MYOM1: variants seen among roughly 807,000 people sequenced by gnomAD.
MYOM1 encodes the protein myomesin-1.
Under a neutral mutation model 205.3 loss-of-function variants are expected in MYOM1, and 164 were observed. The observed-to-expected ratio is 0.80, with a 90% confidence interval of 0.70 to 0.91. The LOEUF is 0.91. Ranked by LOEUF, MYOM1 falls within the 40% of genes least tolerant of loss-of-function variation. MYOM1 has a pLI of 0.00. For synonymous variants in MYOM1, 772 were observed against 789.4 expected (o/e 0.98, Z 0.37); for missense variants, 2,011 against 2,127.3 (o/e 0.95, Z 1.08).
At chr18:3,207,889 G>A (rs931530934) in intron 2 of MYOM1, among the ~76,000 whole-genome samples, 1 of 152,176 alleles carries the variant, frequency 6.6e-6, no homozygotes, top group Admixed American at 6.5e-5. Flanking sequence ...TATATCTGGT[G>A]CCATCTCAAC....
Position 3,129,336 on chromosome 18 carries a change from C to T in MYOM1, c.2690G>A (p.Ser897Asn), listed in dbSNP as rs191333766. Residue 897 changes from serine (S) to asparagine (N), a missense_variant, in exon 18 of 38, where the codon AGT becomes AAT. Coordinates refer to ENST00000356443, the MANE Select transcript of MYOM1 (RefSeq NM_003803.4). ...TTCCTGAACTGTTTCACTTACTTTA[C>T]TCACTTCTGTTTGGCCCAGGTTTTG... is the stretch of plus-strand genomic sequence containing the variant. Reference protein sequence around the residue: ...SSQNLGQTEVSKVSETVQEEL... With the variant: ...SSQNLGQTEVNKVSETVQEEL... 35 of 1,613,964 alleles carry T rather than the reference C, an allele frequency of 2.2e-5. No homozygotes were observed. In the Admixed American group the frequency reaches 2.7e-4, roughly 12 times the overall value.
chr18:3,085,448 T>C (rs1177525757), intron 30 of MYOM1, among the ~76,000 whole-genome samples: 1 of 151,944 alleles, frequency 6.6e-6, no homozygotes, highest in African/African-American at 2.4e-5. Flanking sequence ...ATTTACAGAA[T>C]TGCCATCAAA....
At position 3,156,681 on chromosome 18, in the gene MYOM1, C is replaced by T. The variant is rs561635512; in HGVS notation, c.1502-1593G>A. 6.7e-4 allele frequency among the ~76,000 whole-genome samples: 102 copies of T among 151,716 alleles called. No homozygotes were observed. The South Asian group carries it at 0.02, about 29-fold the overall frequency. On this transcript the variant is annotated intron_variant, in intron 10 of 37. Transcript: ENST00000356443. Reference sequence around the variant, plus strand: ...AGGGCAGAGGTGGGATCTCAGCTCACTGCAAGCTCCACCTCCCGGGTTCAC... The same window carrying T: ...AGGGCAGAGGTGGGATCTCAGCTCATTGCAAGCTCCACCTCCCGGGTTCAC...
chr18:3,232,331 G>GA, the MYOM1 span, among the ~76,000 whole-genome samples: 49 of 143,754 alleles, frequency 3.4e-4, no homozygotes, highest in African/African-American at 2.8e-4. Context: ...CTCCATCATG[G>GA]AAAAAAAAAA....
intron 1 of MYOM1, among the ~76,000 whole-genome samples, chr18:3,216,467 C>T (rs868590989): frequency 6.6e-6 from 1 of 152,206 alleles, no homozygotes; most frequent in South Asian, 2.1e-4. Context: ...CAATTTTCAA[C>T]AGCCTCAGCA....
At chr18:3,122,862 A>G (rs1019001374) in intron 19 of MYOM1, among the ~76,000 whole-genome samples, 2 of 152,246 alleles carry the variant, frequency 1.3e-5, no homozygotes, top group Non-Finnish European at 1.5e-5. Flanking sequence ...ATAGAAGGAA[A>G]CTTCCTTTAA....
intron 2 of MYOM1, 65 bp from the exon 3 acceptor site, chr18:3,194,023 T>C (rs1016605203): frequency 7.9e-6 from 12 of 1,528,354 alleles, no homozygotes; most frequent in Admixed American, 4.1e-5. Context: ...CAAAATACGA[T>C]AGAGGAAGTT....
Position 3,118,892 on chromosome 18 carries a change from T to C in MYOM1, c.3118+977A>G, listed in dbSNP as rs148381966. On this transcript the variant is annotated intron_variant, in intron 20 of 37. Coordinates refer to ENST00000356443, the MANE Select transcript of MYOM1 (RefSeq NM_003803.4). The stretch of plus-strand genomic sequence containing the variant: ...CTCTTGAGTTTCTCTTGGAATCTTG[T>C]TATTCACACCTGACAGAGAAGTTCA... 2.9e-3 allele frequency among the ~76,000 whole-genome samples: 446 copies of C among 152,186 alleles called. 1 individual carries two copies. In the Middle Eastern group the frequency reaches 0.058, roughly 20 times the overall value.
chr18:3,139,265 G>A (rs2080015751), intron 14 of MYOM1, among the ~76,000 whole-genome samples: 1 of 152,216 alleles, frequency 6.6e-6, no homozygotes, highest in African/African-American at 2.4e-5. Context: ...GAGTGATACA[G>A]TCCTTGTCTC....
At chr18:3,157,130 C>A (rs986264588) in intron 10 of MYOM1, among the ~76,000 whole-genome samples, 1 of 152,164 alleles carries the variant, frequency 6.6e-6, no homozygotes. Flanking sequence ...CAACCAGGAG[C>A]CCCTGCATTG....
intron 19 of MYOM1, among the ~76,000 whole-genome samples, chr18:3,121,488 A>C (rs982065192): frequency 3.3e-5 from 5 of 152,224 alleles, no homozygotes; most frequent in Non-Finnish European, 7.3e-5. Context: ...ACATCTTCAA[A>C]GCACTTAATT....
chr18:3,147,808 A>G (rs187124857), intron 13 of MYOM1, among the ~76,000 whole-genome samples: 61 of 152,354 alleles, frequency 4.0e-4, no homozygotes, highest in African/African-American at 1.3e-3. Flanking sequence ...AGTATGAACG[A>G]TAGTAATAAT....
At position 3,165,269 on chromosome 18, in the gene MYOM1, T is replaced by G. The variant is rs376241831; in HGVS notation, c.1340-830A>C. On this transcript the variant is annotated intron_variant, in intron 9 of 37. Coordinates refer to ENST00000356443, the MANE Select transcript of MYOM1 (RefSeq NM_003803.4). ...AGTTTCATGTAAATCTCTATTTAAT[T>G]TTAAGTGTGAATTTATACAGTTTCA... Among the ~76,000 whole-genome samples, 135 of 152,328 alleles carry G rather than the reference T, an allele frequency of 8.9e-4. 1 individual carries two copies. In the South Asian group the frequency reaches 0.023, roughly 26 times the overall value.
intron 5 of MYOM1, 40 bp from the exon 6 acceptor site, chr18:3,176,174 TA>T: frequency 8.2e-7 from 1 of 1,212,284 alleles, no homozygotes. Context: ...AGTTGAAGTG[TA>T]AACAACTTCA....
At chr18:3,075,925 TAAC>T (rs961172939) in intron 34 of MYOM1, among the ~76,000 whole-genome samples, 164 bp from the exon 35 acceptor site, 4 of 152,172 alleles carry the variant, frequency 2.6e-5, no homozygotes, top group South Asian at 2.1e-4. Context: ...TTAATGTACT[TAAC>T]AAGGCCAGGA....
At chr18:3,156,968 T>C (rs930467008) in intron 10 of MYOM1, among the ~76,000 whole-genome samples, 1 of 152,130 alleles carries the variant, frequency 6.6e-6, no homozygotes, top group African/African-American at 2.4e-5. Flanking sequence ...GGGCTGCTGA[T>C]GGCAAAGGCA....
At chr18:3,075,681 A>G in intron 35 of MYOM1, 44 bp downstream of exon 35, 1 of 1,587,196 alleles carries the variant, frequency 6.3e-7, no homozygotes, top group Non-Finnish European at 8.6e-7. Context: ...GCTTCCCGGG[A>G]AATTAGTGCA....
intron 2 of MYOM1, among the ~76,000 whole-genome samples, chr18:3,206,438 C>T (rs371060087): frequency 2.6e-5 from 4 of 152,188 alleles, no homozygotes; most frequent in African/African-American, 4.8e-5. Flanking sequence ...GCTGCTCCTC[C>T]GCAGGGCTTC....
chr18:3,141,841 C>T (rs1257549119), intron 14 of MYOM1, 98 bp downstream of exon 14: 2 of 1,458,260 alleles, frequency 1.4e-6, no homozygotes, highest in African/African-American at 1.4e-5. Flanking sequence ...ATGCTCCCTC[C>T]TCCTCCCTCA....
Sources: allele counts gnomAD v4.1 joint callset (sites outside exome capture counted in the v4.1 genomes callset), GRCh38; gene constraint gnomAD v4.1.1; transcripts MANE v1.5; gene names NCBI Gene and HGNC (gene_info 2026-07-23, HGNC 2026-07-21).